The following OR6C1 variants were observed in gnomAD, a reference collection of about 807,000 sequenced individuals.
The protein encoded by OR6C1 is olfactory receptor 6C1.
For synonymous variants in OR6C1, 157 were observed against 133.3 expected, an observed-to-expected ratio of 1.18 and a Z score of -1.22; for missense variants, 386 against 366.1, an observed-to-expected ratio of 1.05 and a Z score of -0.44.
intron 1 of OR6C1, among the ~76,000 whole-genome samples, chr12:55,317,920 A>ATATATATATATTATATATATATG (rs1868437737): frequency 6.8e-6 from 1 of 146,978 alleles, no homozygotes; most frequent in East Asian, 1.9e-4. Context: ...ATGCTAATAT[A>ATATATATATATTATATATATATG]TATATATATA....
At chr12:55,320,137 C>T (rs1466402312) in intron 1 of OR6C1, among the ~76,000 whole-genome samples, 1 of 151,554 alleles carries the variant, frequency 6.6e-6, no homozygotes, top group Non-Finnish European at 1.5e-5. Context: ...TGAGACTCCA[C>T]CTCAAAAAAA....
chr12:55,318,862 T>C (rs1044567570), intron 1 of OR6C1, among the ~76,000 whole-genome samples: 1 of 151,422 alleles, frequency 6.6e-6, no homozygotes, highest in South Asian at 2.1e-4. Context: ...AGTAAATGGG[T>C]TGGATTCAAA....
chr12:55,318,979 C>T (rs1377142827), intron 1 of OR6C1, among the ~76,000 whole-genome samples: 2 of 151,952 alleles, frequency 1.3e-5, no homozygotes, highest in African/African-American at 4.8e-5. Flanking sequence ...TATGAATACA[C>T]AATTAAGCAA....
rs1248687875 is a variant in OR6C1, at chr12:55,321,947, T to C, written c.*409T>C. 1 of 152,474 alleles carries C rather than the reference T, an allele frequency of 6.6e-6. No individual in the cohort carries two copies. The highest frequency in any genetic ancestry group is 1.5e-5 in the Non-Finnish European group (1 of 68,302). 9.4% of individuals were successfully genotyped at this position (152,474 alleles called of 1,614,324 possible). A position where few individuals can be genotyped will look rare whatever the true frequency, so the allele number is the denominator to read the frequency against. Reference sequence around the variant, plus strand: ...TCCCTTCACTATGCTACTGATGTTCTAGGAAATATGTGAAAGATACAATAT... The same window carrying C: ...TCCCTTCACTATGCTACTGATGTTCCAGGAAATATGTGAAAGATACAATAT... On this transcript the variant is annotated 3_prime_UTR_variant, in exon 2 of 2. Transcript: ENST00000642104.
Position 55,320,624 on chromosome 12 carries a change from G to C in OR6C1, c.25G>C (p.Glu9Gln). 1 of 1,575,864 alleles carries C rather than the reference G, an allele frequency of 6.3e-7. No homozygotes were observed. The highest frequency in any genetic ancestry group is 1.1e-5 in the South Asian group (1 of 88,676). The part of the protein sequence containing the change: MRNHTEIT[E>Q]FILLGLTDDP... ...AATGAGAAACCATACAGAAATAACA[G>C]AGTTTATTCTTCTGGGATTAACAGA... The change falls in exon 2 of 2, where the codon GAG becomes CAG. Residue 9 changes from glutamate to glutamine, a missense_variant. Glu to Gln is a conservative substitution (Grantham distance 29, BLOSUM62 2). Coordinates refer to ENST00000642104, the MANE Select transcript of OR6C1 (RefSeq NM_001005182.2).
At chr12:55,315,612 A>G (rs1868396040) in intron 1 of OR6C1, among the ~76,000 whole-genome samples, 1 of 151,726 alleles carries the variant, frequency 6.6e-6, no homozygotes, top group African/African-American at 2.4e-5. Flanking sequence ...AATTATTCCT[A>G]TTTCTCCGGG....
At chr12:55,318,314 G>T (rs1214613526) in intron 1 of OR6C1, among the ~76,000 whole-genome samples, 1 of 150,792 alleles carries the variant, frequency 6.6e-6, no homozygotes, top group Non-Finnish European at 1.5e-5. Flanking sequence ...GGTGGGAGAG[G>T]TCAGCACCAT....
At position 55,322,031 on chromosome 12, in the gene OR6C1, T is replaced by A. The variant is rs949069418; in HGVS notation, c.*493T>A. On this transcript the variant is annotated 3_prime_UTR_variant, in exon 2 of 2. Coordinates refer to ENST00000642104, the MANE Select transcript of OR6C1 (RefSeq NM_001005182.2). ...AAGCAAAAAAAAATTTCATTACTCA[T>A]TTTAATTAGGTATGTTGGTGAAATT... The A allele has an allele frequency of 6.6e-6, 1 of 152,228 alleles. No homozygotes were observed. Among genetic ancestry groups the A allele is most frequent in the African/African-American group, 2.4e-5 (1 of 41,458 alleles). The allele number at this position is 152,228 out of a possible 1,614,324, so 9.4% of individuals were successfully genotyped here. A position where few individuals can be genotyped will look rare whatever the true frequency, so the allele number is the denominator to read the frequency against.
intron 1 of OR6C1, among the ~76,000 whole-genome samples, chr12:55,318,724 T>C (rs1296867485): frequency 6.7e-6 from 1 of 150,344 alleles, no homozygotes. Flanking sequence ...TATTAAGTTA[T>C]ATGAAAGTTA....
intron 1 of OR6C1, among the ~76,000 whole-genome samples, chr12:55,318,221 A>AGT (rs71070867): frequency 0.099 from 12,748 of 128,530 alleles, 871 homozygotes; most frequent in Admixed American, 0.18. Context: ...AGATAAGTGG[A>AGT]GTGTGTGTGT....
At position 55,320,769 on chromosome 12, in the gene OR6C1, T is replaced by C; in HGVS notation, c.170T>C (p.Met57Thr). 1 of 1,614,088 alleles carries C rather than the reference T, an allele frequency of 6.2e-7. No individual in the cohort carries two copies. Among genetic ancestry groups the C allele is most frequent in the Non-Finnish European group, 8.5e-7 (1 of 1,179,988 alleles). ...CTGGATTCCCACCTGCAGACCCCCA[T>C]GTATTTCTTCCTCAGAAATTTCTCC... ...TLLDSHLQTP[M>T]YFFLRNFSIL... The change falls in exon 2 of 2, where the codon ATG becomes ACG. Residue 57 changes from methionine to threonine, a missense_variant. Coordinates refer to ENST00000642104, the MANE Select transcript of OR6C1 (RefSeq NM_001005182.2).
chr12:55,321,484 C>A lies in OR6C1; in HGVS notation c.885C>A (p.Val295=). The A allele has an allele frequency of 6.2e-7, 1 of 1,613,570 alleles. No individual in the cohort carries two copies. The highest frequency in any genetic ancestry group is 1.1e-5 in the South Asian group (1 of 90,950). Residue 295 remains valine (V), a synonymous_variant, in exon 2 of 2, where the codon GTC becomes GTA. Coordinates refer to ENST00000642104, the MANE Select transcript of OR6C1 (RefSeq NM_001005182.2). ...PFIYSLRNQQ[V]KQAFINMARK... is the part of the protein sequence containing the mutation. ...TTTACAGCCTAAGAAATCAGCAAGT[C>A]AAGCAAGCTTTCATTAACATGGCAA... is the stretch of plus-strand genomic sequence containing the variant.
In OR6C1 at chr12:55,320,708, A is replaced by C; in HGVS notation, c.109A>C (p.Ile37Leu). 6.2e-7 allele frequency: 1 copy of C among 1,613,920 alleles called. No homozygotes were observed. Among genetic ancestry groups the C allele is most frequent in the Non-Finnish European group, 8.5e-7 (1 of 1,179,812 alleles). Residue 37 changes from isoleucine (I) to leucine (L), a missense_variant, in exon 2 of 2, where the codon ATC (isoleucine) becomes CTC (leucine). Coordinates refer to ENST00000642104, the MANE Select transcript of OR6C1 (RefSeq NM_001005182.2). ...VFLLITYMLS[I>L]TGNLTLITIT... is the part of the protein sequence containing the mutation. ...CCTGCTCATCACCTACATGCTCAGC[A>C]TCACTGGGAACCTGACCCTTATCAC...
chr12:55,316,921 C>T (rs2038101138), intron 1 of OR6C1, among the ~76,000 whole-genome samples: 1 of 151,718 alleles, frequency 6.6e-6, no homozygotes, highest in Admixed American at 6.6e-5. Flanking sequence ...TCCCTCACAG[C>T]TTTTCCTATG....
rs1015143785 is a variant in OR6C1, at chr12:55,322,239, T to C, written c.*701T>C. On this transcript the variant is annotated 3_prime_UTR_variant, in exon 2 of 2. Transcript: ENST00000642104. Reference sequence around the variant, plus strand: ...ACATAGAGAATATATAGTATATTCCTAAGATATGTTAATTTTCTGTGAGTG... The same window carrying C: ...ACATAGAGAATATATAGTATATTCCCAAGATATGTTAATTTTCTGTGAGTG... 9 of 152,008 alleles carry C rather than the reference T, an allele frequency of 5.9e-5. No individual in the cohort carries two copies. Among genetic ancestry groups the C allele is most frequent in the African/African-American group, 2.2e-4 (9 of 41,436 alleles). 9.4% of individuals were successfully genotyped at this position (152,008 alleles called of 1,614,324 possible).
chr12:55,318,012 AATACACACACATAT>A (rs200189921), intron 1 of OR6C1, among the ~76,000 whole-genome samples: 2,411 of 148,988 alleles, frequency 0.016, 31 homozygotes, highest in South Asian at 0.034. Flanking sequence ...CACACACATA[AATACACACACATAT>A]ATACACACAC....
chr12:55,319,939 G>A (rs554062851), intron 1 of OR6C1, among the ~76,000 whole-genome samples: 16 of 152,206 alleles, frequency 1.1e-4, no homozygotes, highest in African/African-American at 2.6e-4. Context: ...TCAGGAGTTC[G>A]AGACCAGCCT....
chr12:55,317,252 GA>G (rs1868424818), intron 1 of OR6C1, among the ~76,000 whole-genome samples: 1 of 151,928 alleles, frequency 6.6e-6, no homozygotes, highest in Admixed American at 6.6e-5. Flanking sequence ...TGCTTTTAAT[GA>G]AAAATAAACC....
Position 55,319,293 on chromosome 12 carries a change from A to C in OR6C1, c.-33-1274A>C, listed in dbSNP as rs1868475790. ...GCTTAAGTATTTCTGATTTTCAATA[A>C]AGTGGACGTAGGAGTTGGAAAATCT... On this transcript the variant is annotated intron_variant, in intron 1 of 1. Coordinates refer to ENST00000642104, the MANE Select transcript of OR6C1 (RefSeq NM_001005182.2). Among the ~76,000 whole-genome samples, 7 of 152,172 alleles carry C rather than the reference A, an allele frequency of 4.6e-5. No homozygotes were observed. The South Asian group carries it at 1.4e-3, about 31-fold the overall frequency.
Sources: gnomAD v4.1 joint callset for allele counts (sites outside exome capture counted in the v4.1 genomes callset) on GRCh38, gnomAD v4.1.1 for gene constraint, MANE v1.5 for transcripts, NCBI Gene and HGNC (gene_info 2026-07-23, HGNC 2026-07-21) for gene names.